NR2F1-AS1: variants seen among roughly 807,000 people sequenced by gnomAD.
NR2F1-AS1 encodes NR2F1 regulatory antisense RNA 1.
intron 4 of NR2F1-AS1, among the ~76,000 whole-genome samples, chr5:93,441,783 A>G (rs1457402797): frequency 6.6e-6 from 1 of 152,160 alleles, no homozygotes; most frequent in Non-Finnish European, 1.5e-5. Flanking sequence ...AAACAATCCA[A>G]TGTGCCTGTA....
upstream of NR2F1-AS1, chr5:93,583,678 G>C (rs976179936): frequency 6.6e-6 from 1 of 151,996 alleles, no homozygotes; most frequent in Non-Finnish European, 1.5e-5. Context: ...ATTTTTGGGC[G>C]ATCTCCAGGG....
At chr5:93,411,358 A>G (rs1748852055) in intron 4 of NR2F1-AS1, 1 of 152,216 alleles carries the variant, frequency 6.6e-6, no homozygotes, top group Non-Finnish European at 1.5e-5. Flanking sequence ...ACTGCTGTCC[A>G]CTGCGGCATT....
chr5:93,504,826 A>C (rs900831753), intron 4 of NR2F1-AS1, among the ~76,000 whole-genome samples: 2 of 152,104 alleles, frequency 1.3e-5, no homozygotes, highest in African/African-American at 2.4e-5. Context: ...TGGGAGATAC[A>C]ATTCAAGTTG....
Position 93,466,916 on chromosome 5 carries a change from G to C in NR2F1-AS1, n.639-71374C>G, listed in dbSNP as rs550128965. Among the ~76,000 whole-genome samples, 6 of 123,102 alleles carry C rather than the reference G, an allele frequency of 4.9e-5. 1 individual carries two copies. In the South Asian group the frequency reaches 1.3e-3, roughly 27 times the overall value. 80.8% of individuals were successfully genotyped at this position (123,102 alleles called of 152,430 possible). ...AATATCCCTTTTTTGGGGGGGGGGGGGGTGGACGGAGTCTCACTGTGGTGC... is the reference window on the plus strand; with the variant it reads ...AATATCCCTTTTTTGGGGGGGGGGGCGGTGGACGGAGTCTCACTGTGGTGC... On this transcript the variant is annotated intron_variant and non_coding_transcript_variant, in intron 4 of 5. Transcript: ENST00000660523.
intron 4 of NR2F1-AS1, among the ~76,000 whole-genome samples, chr5:93,464,210 A>G (rs902206892): frequency 6.6e-6 from 1 of 152,130 alleles, no homozygotes; most frequent in Non-Finnish European, 1.5e-5. Flanking sequence ...AAGTCTCAAG[A>G]GATCTGATGG....
At chr5:93,478,986 T>C (rs1750545832) in intron 4 of NR2F1-AS1, among the ~76,000 whole-genome samples, 1 of 152,166 alleles carries the variant, frequency 6.6e-6, no homozygotes. Context: ...AAAACAACAG[T>C]TGAGTTGACA....
chr5:93,548,555 A>C (rs754173341), intron 4 of NR2F1-AS1, among the ~76,000 whole-genome samples: 1 of 152,202 alleles, frequency 6.6e-6, no homozygotes, highest in Non-Finnish European at 1.5e-5. Flanking sequence ...AAAGACTTAA[A>C]GTTTTTTTCT....
chr5:93,530,264 T>C (rs1271736467), intron 4 of NR2F1-AS1, among the ~76,000 whole-genome samples: 1 of 152,030 alleles, frequency 6.6e-6, no homozygotes, highest in Non-Finnish European at 1.5e-5. Context: ...GTATTTTTAG[T>C]AGAGATGTGG....
intron 4 of NR2F1-AS1, chr5:93,410,131 A>T (rs1030506077): frequency 1.3e-5 from 2 of 151,882 alleles, no homozygotes; most frequent in African/African-American, 4.9e-5. Context: ...TCAGAAATAA[A>T]TTTTTGGAAA....
upstream of NR2F1-AS1, chr5:93,585,107 G>A: frequency 6.0e-6 from 6 of 993,540 alleles, no homozygotes; most frequent in Non-Finnish European, 7.2e-6. Context: ...CCGCAGCGCA[G>A]GCGGCCCGCG....
At chr5:93,447,489 T>C (rs1366459412) in intron 4 of NR2F1-AS1, among the ~76,000 whole-genome samples, 1 of 152,148 alleles carries the variant, frequency 6.6e-6, no homozygotes, top group South Asian at 2.1e-4. Flanking sequence ...GAAATGCAAA[T>C]CAAAACCACA....
At chr5:93,423,990 C>G (rs1179943666) in intron 4 of NR2F1-AS1, among the ~76,000 whole-genome samples, 3 of 152,102 alleles carry the variant, frequency 2.0e-5, no homozygotes, top group African/African-American at 7.2e-5. Flanking sequence ...GCAAAATCAC[C>G]TGGGGGACAT....
chr5:93,424,193 C>T (rs1317285512), intron 4 of NR2F1-AS1, among the ~76,000 whole-genome samples: 2 of 152,030 alleles, frequency 1.3e-5, no homozygotes, highest in African/African-American at 4.8e-5. Flanking sequence ...AACTACATGC[C>T]AACTACACAC....
intron 4 of NR2F1-AS1, among the ~76,000 whole-genome samples, chr5:93,482,850 GCAGAGC>G (rs1420786373): frequency 1.3e-5 from 2 of 152,180 alleles, no homozygotes; most frequent in African/African-American, 2.4e-5. Flanking sequence ...TTCCAACTGG[GCAGAGC>G]CCACTGCAGC....
intron 4 of NR2F1-AS1, among the ~76,000 whole-genome samples, chr5:93,446,567 G>A (rs1037928005): frequency 6.6e-6 from 1 of 152,124 alleles, no homozygotes; most frequent in Non-Finnish European, 1.5e-5. Flanking sequence ...ACAAACAAAT[G>A]GAAGAACATT....
intron 4 of NR2F1-AS1, among the ~76,000 whole-genome samples, chr5:93,427,102 C>A (rs1263054891): frequency 6.6e-6 from 1 of 152,072 alleles, no homozygotes; most frequent in Non-Finnish European, 1.5e-5. Context: ...AATCTCTTGC[C>A]CTTGTCCTTC....
rs529966880 is a variant in NR2F1-AS1, at chr5:93,440,853, A to G, written n.639-45311T>C. ...GCATTTTTTCAAATATATTCTTTTT[A>G]TCTCATCTAAGCCTCCAAACATTTC... On this transcript the variant is annotated intron_variant and non_coding_transcript_variant, in intron 4 of 5. Coordinates refer to ENST00000660523, the Ensembl canonical transcript of NR2F1-AS1. Among the ~76,000 whole-genome samples the G allele has an allele frequency of 2.0e-5, 3 of 152,272 alleles. No individual in the cohort carries two copies. In the South Asian group the frequency reaches 6.2e-4, roughly 32 times the overall value.
chr5:93,492,439 CTACCAAACACTA>C (rs1224972222), intron 4 of NR2F1-AS1, among the ~76,000 whole-genome samples: 20 of 151,380 alleles, frequency 1.3e-4, no homozygotes, highest in African/African-American at 3.9e-4. Flanking sequence ...AGAATTAATT[CTACCAAACACTA>C]AATTCTACCA....
chr5:93,544,165 G>T (rs1752022084), intron 4 of NR2F1-AS1: 1 of 151,994 alleles, frequency 6.6e-6, no homozygotes, highest in African/African-American at 2.4e-5. Flanking sequence ...AAAGATAAGT[G>T]GGAACTCAGT....
Sources: allele counts gnomAD v4.1 joint callset (sites outside exome capture counted in the v4.1 genomes callset), GRCh38; gene constraint gnomAD v4.1.1; transcripts MANE v1.5; gene names NCBI Gene and HGNC (gene_info 2026-07-23, HGNC 2026-07-21).